The following ZPBP variants were observed in gnomAD, a reference collection of about 807,000 sequenced individuals.
ZPBP encodes zona pellucida-binding protein 1.
A neutral mutation model predicts 44.8 loss-of-function variants in ZPBP; 26 were observed. That is an observed-to-expected ratio of 0.58 (90% CI 0.43 to 0.81). The LOEUF (loss-of-function observed/expected upper bound fraction) is 0.81. Among genes scored for constraint, ZPBP ranks in the 30% least tolerant of loss-of-function variants. The pLI, the probability that ZPBP is intolerant of heterozygous loss-of-function variation, is 0.00. For missense variants in ZPBP, 409 were observed against 434.0 expected (o/e 0.94, Z 0.51); for synonymous variants, 174 against 153.2 (o/e 1.14, Z -1.00).
chr7:50,090,690 C>T (rs1802946062), intron 1 of ZPBP, among the ~76,000 whole-genome samples: 1 of 151,954 alleles, frequency 6.6e-6, no homozygotes, highest in South Asian at 2.1e-4. Flanking sequence ...TACCATACAC[C>T]ACAGTTTCTT....
chr7:49,927,087 C>T (rs1305972530), intron 1 of ZPBP, among the ~76,000 whole-genome samples: 2 of 152,330 alleles, frequency 1.3e-5, no homozygotes, highest in Middle Eastern at 3.4e-3. Flanking sequence ...TGTGCTATTA[C>T]CAACCCCGCC....
intron 6 of ZPBP, among the ~76,000 whole-genome samples, chr7:50,016,994 A>G (rs1303157795): frequency 6.6e-6 from 1 of 152,150 alleles, no homozygotes; most frequent in East Asian, 1.9e-4. Flanking sequence ...CCTTTTTGGC[A>G]GCAGGGACTG....
At chr7:50,030,591 C>T (rs1799561388) in intron 5 of ZPBP, among the ~76,000 whole-genome samples, 1 of 151,766 alleles carries the variant, frequency 6.6e-6, no homozygotes, top group South Asian at 2.1e-4. Context: ...CACTCGGACC[C>T]CTTAAAAACA....
chr7:49,975,838 C>A (rs1487166307), intron 7 of ZPBP, among the ~76,000 whole-genome samples: 3 of 152,152 alleles, frequency 2.0e-5, no homozygotes, highest in African/African-American at 7.2e-5. Flanking sequence ...GGACTCTGAG[C>A]CATGCATACT....
At chr7:50,035,975 A>C (rs576764871) in intron 4 of ZPBP, among the ~76,000 whole-genome samples, 1 of 152,348 alleles carries the variant, frequency 6.6e-6, no homozygotes, top group Non-Finnish European at 1.5e-5. Context: ...AAAAATCACC[A>C]AAGTTAAAAA....
At chr7:49,981,646 A>AAT (rs1562820386) in intron 7 of ZPBP, among the ~76,000 whole-genome samples, 4 of 67,948 alleles carry the variant, frequency 5.9e-5, no homozygotes, top group African/African-American at 3.1e-4. Flanking sequence ...ATATTATATA[A>AAT]TATCTTGATA....
At chr7:49,969,362 G>A (rs1335540282) in intron 7 of ZPBP, among the ~76,000 whole-genome samples, 1 of 150,662 alleles carries the variant, frequency 6.6e-6, no homozygotes, top group East Asian at 1.9e-4. Flanking sequence ...AATTTAAGAT[G>A]GAATTGACAA....
At chr7:50,022,423 A>G (rs1005220082) in intron 5 of ZPBP, among the ~76,000 whole-genome samples, 1 of 152,084 alleles carries the variant, frequency 6.6e-6, no homozygotes, top group African/African-American at 2.4e-5. Context: ...TTGGAATACT[A>G]TTATAACTAA....
intron 7 of ZPBP, among the ~76,000 whole-genome samples, chr7:49,980,027 ATAT>A (rs1346462071): frequency 2.7e-3 from 36 of 13,470 alleles, no homozygotes; most frequent in South Asian, 8.8e-3. Flanking sequence ...ATATAATTTT[ATAT>A]TATATTATAA....
chr7:50,077,680 A>G (rs1218400819), intron 3 of ZPBP, among the ~76,000 whole-genome samples: 1 of 151,978 alleles, frequency 6.6e-6, no homozygotes, highest in Non-Finnish European at 1.5e-5. Flanking sequence ...AATGCAAATC[A>G]AAACTACAAG....
chr7:49,924,545 C>T (rs1794154606), intron 1 of ZPBP, among the ~76,000 whole-genome samples: 1 of 151,986 alleles, frequency 6.6e-6, no homozygotes. Context: ...AAACAAAATT[C>T]CAAGATGGGT....
chr7:49,906,907 C>G (rs1383082036), intron 1 of ZPBP, among the ~76,000 whole-genome samples: 3 of 151,996 alleles, frequency 2.0e-5, no homozygotes, highest in Admixed American at 6.6e-5. Flanking sequence ...ATTTTTATAT[C>G]TCTTTCTTGC....
chr7:49,878,059 CT>C (rs1791517051), intron 2 of ZPBP, among the ~76,000 whole-genome samples: 1 of 152,028 alleles, frequency 6.6e-6, no homozygotes, highest in South Asian at 2.1e-4. Context: ...AGTTTTCTGG[CT>C]TTTTTCAGTG....
intron 1 of ZPBP, among the ~76,000 whole-genome samples, chr7:50,091,291 T>G (rs1433315187): frequency 6.6e-6 from 1 of 152,244 alleles, no homozygotes; most frequent in Non-Finnish European, 1.5e-5. Flanking sequence ...GTCTGTTTAC[T>G]CTGCTGACTG....
intron 1 of ZPBP, among the ~76,000 whole-genome samples, chr7:49,931,887 G>A (rs780552584): frequency 2.0e-5 from 3 of 152,230 alleles, no homozygotes; most frequent in Admixed American, 6.5e-5. Flanking sequence ...TGCCCTGCAC[G>A]TTCCAGCTGC....
chr7:50,047,246 G>C (rs1208145456), intron 4 of ZPBP, among the ~76,000 whole-genome samples: 3 of 151,844 alleles, frequency 2.0e-5, no homozygotes, highest in Admixed American at 6.6e-5. Flanking sequence ...GTATACCTAT[G>C]TAACAAACCT....
intron 6 of ZPBP, among the ~76,000 whole-genome samples, chr7:50,017,386 T>C (rs899981624): frequency 2.0e-5 from 3 of 152,070 alleles, no homozygotes; most frequent in African/African-American, 7.2e-5. Flanking sequence ...GCGATGGGGA[T>C]GGGGGACTAT....
At chr7:49,988,081 G>T (rs1797395527) in intron 6 of ZPBP, among the ~76,000 whole-genome samples, 1 of 152,128 alleles carries the variant, frequency 6.6e-6, no homozygotes, top group Non-Finnish European at 1.5e-5. Context: ...AAATTCAACA[G>T]AGTATTATAT....
At chr7:50,075,352 T>C (rs888688102) in intron 3 of ZPBP, among the ~76,000 whole-genome samples, 16 of 151,788 alleles carry the variant, frequency 1.1e-4, no homozygotes, top group African/African-American at 3.4e-4. Flanking sequence ...TAACATTGCA[T>C]CTTGCAGAAC....
Sources: allele counts gnomAD v4.1 joint callset (sites outside exome capture counted in the v4.1 genomes callset), GRCh38; gene constraint gnomAD v4.1.1; transcripts MANE v1.5; gene names NCBI Gene and HGNC (gene_info 2026-07-23, HGNC 2026-07-21).